LOXL2: variants seen among roughly 807,000 people sequenced by gnomAD.
The protein encoded by LOXL2 is lysyl oxidase homolog 2.
Under a neutral mutation model 93.0 loss-of-function variants are expected in LOXL2, and 70 were observed. The observed-to-expected ratio is 0.75, with a 90% CI of 0.62 to 0.92. The LOEUF (loss-of-function observed/expected upper bound fraction) is 0.92. Among genes scored for constraint, LOXL2 ranks in the 40% least tolerant of loss-of-function variants. The pLI is 0.00. For synonymous variants in LOXL2, 438 were observed against 413.2 expected (o/e 1.06, Z -0.73); for missense variants, 973 against 1,054.9 (o/e 0.92, Z 1.08).
At chr8:23,350,734 A>G (rs1459962828) in intron 3 of LOXL2, among the ~76,000 whole-genome samples, 2 of 152,126 alleles carry the variant, frequency 1.3e-5, no homozygotes, top group African/African-American at 4.8e-5. Flanking sequence ...CAAAGGAAAG[A>G]GCCGGTAGTC....
chr8:23,303,422 G>T (rs1803173645), intron 10 of LOXL2, 25 bp from the exon 11 acceptor site: 3 of 1,405,706 alleles, frequency 2.1e-6, no homozygotes, highest in Non-Finnish European at 2.0e-6. Flanking sequence ...AGATGGCCTG[G>T]AGGTCAGTTT....
Position 23,298,058 on chromosome 8 carries a change from CTGGTTGTT to C in LOXL2, c.2302_2309del (p.Asn768AlafsTer70). ...GCAGGCTTCTTTACTGCGGGGACAG[CTGGTTGTT>C]TAAGAGCCCGCTGAAGTGCTCAAAC... On this transcript the variant is annotated frameshift_variant, in exon 14 of 14. Transcript: ENST00000389131. LOFTEE classifies it high-confidence loss of function. 1 of 1,613,846 alleles carries C rather than the reference CTGGTTGTT, an allele frequency of 6.2e-7. No individual in the cohort carries two copies. Among genetic ancestry groups the C allele is most frequent in the Non-Finnish European group, 8.5e-7 (1 of 1,179,974 alleles).
intron 2 of LOXL2, chr8:23,363,197 G>A (rs1254749070): frequency 1.3e-5 from 2 of 152,108 alleles, no homozygotes; most frequent in Non-Finnish European, 2.9e-5. Context: ...ATTCCCATTG[G>A]AGAGATTAGA....
chr8:23,381,762 T>C (rs1301927262), intron 1 of LOXL2, among the ~76,000 whole-genome samples: 1 of 152,200 alleles, frequency 6.6e-6, no homozygotes, highest in African/African-American at 2.4e-5. Context: ...CCGCGCTGCC[T>C]CCTGCAGGTC....
chr8:23,372,154 C>T (rs938440981), intron 1 of LOXL2, among the ~76,000 whole-genome samples: 1 of 151,790 alleles, frequency 6.6e-6, no homozygotes, highest in African/African-American at 2.4e-5. Context: ...AAAATAAATA[C>T]TCCAATTAAA....
chr8:23,320,573 C>A (rs1363752058), intron 7 of LOXL2, among the ~76,000 whole-genome samples: 1 of 152,124 alleles, frequency 6.6e-6, no homozygotes, highest in African/African-American at 2.4e-5. Flanking sequence ...TTTCTCTTTA[C>A]CCTAAATGAC....
intron 1 of LOXL2, among the ~76,000 whole-genome samples, chr8:23,374,034 T>C (rs1401416039): frequency 6.6e-6 from 1 of 152,188 alleles, no homozygotes; most frequent in African/African-American, 2.4e-5. Context: ...TGTGCCATGT[T>C]GGTGTGCTGC....
chr8:23,352,065 T>C (rs1323213346), intron 3 of LOXL2, among the ~76,000 whole-genome samples: 1 of 152,094 alleles, frequency 6.6e-6, no homozygotes, highest in Non-Finnish European at 1.5e-5. Flanking sequence ...CCCCCCACCT[T>C]GGCCTCCCAA....
intron 4 of LOXL2, among the ~76,000 whole-genome samples, chr8:23,340,145 C>T (rs1803857980): frequency 6.6e-6 from 1 of 152,162 alleles, no homozygotes. Flanking sequence ...CCTGGATCTG[C>T]CCCTTCCTGG....
At chr8:23,336,053 C>T (rs1448090300) in intron 4 of LOXL2, 2 of 152,284 alleles carry the variant, frequency 1.3e-5, no homozygotes, top group Non-Finnish European at 2.9e-5. Context: ...TGCAAGGCCC[C>T]TGCACTTGGA....
chr8:23,400,870 T>A (rs2117244466), intron 1 of LOXL2, among the ~76,000 whole-genome samples: 1 of 152,322 alleles, frequency 6.6e-6, no homozygotes, highest in African/African-American at 2.4e-5. Flanking sequence ...AGTTTTGCAA[T>A]GAGCTAGGAA....
At position 23,382,805 on chromosome 8, in the gene LOXL2, G is replaced by A. The variant is rs565650799; in HGVS notation, c.-83-14371C>T. ...GTCCTGATTCTGCTGCTAGAACTCC[G>A]TAATGCTTCCTGCCTGGATCTTTCA... On this transcript the variant is annotated intron_variant, in intron 1 of 13. Coordinates refer to ENST00000389131, the MANE Select transcript of LOXL2 (RefSeq NM_002318.3). Among the ~76,000 whole-genome samples the A allele has an allele frequency of 1.6e-4, 24 of 152,208 alleles. No homozygotes were observed. The East Asian group carries it at 1.7e-3, about 11-fold the overall frequency.
At chr8:23,378,699 A>G (rs1328852854) in intron 1 of LOXL2, among the ~76,000 whole-genome samples, 1 of 152,106 alleles carries the variant, frequency 6.6e-6, no homozygotes, top group African/African-American at 2.4e-5. Context: ...TTGATCTTCA[A>G]TCACTGATAC....
At chr8:23,321,076 CGT>C (rs5890097) in intron 7 of LOXL2, among the ~76,000 whole-genome samples, 106,805 of 151,870 alleles carry the variant, frequency 0.7, 37,856 homozygotes, top group Non-Finnish European at 0.76. Flanking sequence ...TTTTATCTCT[CGT>C]CTCTCTCCAA....
intron 10 of LOXL2, among the ~76,000 whole-genome samples, chr8:23,304,659 C>G (rs1438581074): frequency 6.6e-6 from 1 of 152,192 alleles, no homozygotes; most frequent in Non-Finnish European, 1.5e-5. Context: ...CGTCAAATAA[C>G]TAATGCGAAG....
chr8:23,334,335 A>G (rs4351428), intron 4 of LOXL2, among the ~76,000 whole-genome samples: 72,886 of 152,216 alleles, frequency 0.48, 18,433 homozygotes, highest in Non-Finnish European at 0.57. Context: ...CACTGTGCCC[A>G]GCCTGTTGTC....
At chr8:23,316,288 G>A (rs1329275477) in intron 9 of LOXL2, among the ~76,000 whole-genome samples, 1 of 152,128 alleles carries the variant, frequency 6.6e-6, no homozygotes, top group African/African-American at 2.4e-5. Context: ...AATAAGGCAG[G>A]GTCTGGTCTC....
intron 3 of LOXL2, among the ~76,000 whole-genome samples, chr8:23,358,861 T>C (rs1410153165): frequency 6.6e-5 from 10 of 150,790 alleles, no homozygotes; most frequent in African/African-American, 2.4e-4. Flanking sequence ...TTTTTTTTTT[T>C]CAGACAGTCT....
chr8:23,328,709 A>ATATGTGTGTG (rs1554477862), intron 5 of LOXL2, 144 bp from the exon 6 acceptor site: 2 of 460,372 alleles, frequency 4.3e-6, no homozygotes, highest in Non-Finnish European at 7.9e-6. Context: ...TGATGTATGG[A>ATATGTGTGTG]TGTGTGTGTG....
Sources: allele counts gnomAD v4.1 joint callset (sites outside exome capture counted in the v4.1 genomes callset), GRCh38; gene constraint gnomAD v4.1.1; transcripts MANE v1.5; gene names NCBI Gene and HGNC (gene_info 2026-07-23, HGNC 2026-07-21).